Variants in FLT1 observed in about 807,000 individuals in gnomAD.
FLT1 encodes the protein fms related receptor tyrosine kinase 1, also known as vascular endothelial growth factor receptor 1.
A neutral mutation model predicts 156.3 loss-of-function variants in FLT1; 49 were observed. The observed-to-expected ratio is 0.31, with a 90% CI of 0.25 to 0.40. The LOEUF (loss-of-function observed/expected upper bound fraction) is 0.40, where lower values mean the gene tolerates loss of function less well. Among genes scored for constraint, FLT1 ranks in the 10% least tolerant of loss-of-function variants. FLT1 has a pLI of 1.00. For synonymous variants in FLT1, 594 were observed against 583.8 expected (o/e 1.02, Z -0.25); for missense variants, 1,322 against 1,637.2 (o/e 0.81, Z 3.32).
At position 28,405,808 on chromosome 13, in the gene FLT1, C is replaced by T. The variant is rs765194215; in HGVS notation, c.1523G>A (p.Arg508His). The T allele has an allele frequency of 1.2e-5, 20 of 1,600,656 alleles. No individual in the cohort carries two copies. Among genetic ancestry groups the T allele is most frequent in the East Asian group, 6.7e-5 (3 of 44,820 alleles). The change falls in exon 11 of 30, where the codon CGC becomes CAC. Residue 508 changes from arginine to histidine, a missense_variant. Physicochemically the swap from Arg to His is conservative, Grantham distance 29. This residue lies in a region of FLT1 where 991 missense variants were observed against 1,254.8 expected (regional missense o/e 0.79). Coordinates refer to ENST00000282397, the MANE Select transcript of FLT1 (RefSeq NM_002019.4). ...MGNRIESITQRMAIIEGKNKM... is the reference protein window; with the variant it reads ...MGNRIESITQHMAIIEGKNKM... ...ATTCTTTCCTTCTATTATTGCCATG[C>T]GCTGAGTGATGCTCTCAATTCTGTT...
At position 28,396,963 on chromosome 13, in the gene FLT1, T is replaced by G; in HGVS notation, c.1657A>C (p.Thr553Pro). 1.3e-6 allele frequency: 2 copies of G among 1,564,012 alleles called. No individual in the cohort carries two copies. Among genetic ancestry groups the G allele is most frequent in the Non-Finnish European group, 1.8e-6 (2 of 1,134,342 alleles). ...GGTTATAGGATGTGTGGCTTACCTG[T>G]GATATAAAAGCTTATGTTTCTTCCC... ...TVGRNISFYI[T>P]DVPNGFHVNL... Residue 553 changes from threonine (T) to proline (P), a missense_variant, in exon 12 of 30, where the codon ACA becomes CCA. Around this residue, in one of 3 missense-constraint regions of FLT1, gnomAD observed 991 missense variants for 1,254.8 expected, o/e 0.79. Transcript: ENST00000282397.
At position 28,438,768 on chromosome 13, in the gene FLT1, A is replaced by G. The variant is rs61763170; in HGVS notation, c.389-423T>C. On this transcript the variant is annotated intron_variant, in intron 3 of 29. Transcript: ENST00000282397. ...GGCATAGATGCAGTGGCGAAGGTCAACTCTCTTTGGAGAATTCAAGGTGAT... is the reference window on the plus strand; with the variant it reads ...GGCATAGATGCAGTGGCGAAGGTCAGCTCTCTTTGGAGAATTCAAGGTGAT... Among the ~76,000 whole-genome samples the G allele has an allele frequency of 4.7e-3, 708 of 152,248 alleles. 5 individuals are homozygous for G. Among genetic ancestry groups the G allele is most frequent in the African/African-American group, 0.016 (658 of 41,550 alleles).
In FLT1 at chr13:28,405,850, G is replaced by A. The variant is rs2137492437; in HGVS notation, c.1481C>T (p.Ala494Val). 6.2e-7 allele frequency: 1 copy of A among 1,609,750 alleles called. No homozygotes were observed. Residue 494 changes from alanine (A) to valine (V), a missense_variant, in exon 11 of 30, where the codon GCT (alanine) becomes GTT (valine). Physicochemically the swap from Ala to Val is moderately conservative, Grantham distance 64. This residue lies in a region of FLT1 where 991 missense variants were observed against 1,254.8 expected (regional missense o/e 0.79). Coordinates refer to ENST00000282397, the MANE Select transcript of FLT1 (RefSeq NM_002019.4). The part of the protein sequence containing the change: ...SNNEESFILD[A>V]DSNMGNRIES... Reference sequence around the variant, plus strand: ...AATTCTGTTTCCCATGTTGCTGTCAGCATCCAGGATAAAGGACTCTTCATT... The same window carrying A: ...AATTCTGTTTCCCATGTTGCTGTCAACATCCAGGATAAAGGACTCTTCATT...
intron 10 of FLT1, among the ~76,000 whole-genome samples, chr13:28,406,977 C>G (rs1208908881): frequency 6.6e-6 from 1 of 152,168 alleles, no homozygotes; most frequent in Admixed American, 6.5e-5. Context: ...TGAGAAGGAA[C>G]TCCAGAGTGT....
intron 16 of FLT1, among the ~76,000 whole-genome samples, chr13:28,342,948 C>G (rs1593695038): frequency 3.4e-5 from 1 of 29,398 alleles, no homozygotes; most frequent in Middle Eastern, 0.024. Context: ...TTCTTTCTTT[C>G]TCTCTCTCTC....
In FLT1 at chr13:28,427,870, A is replaced by G; in HGVS notation, c.1158T>C (p.Arg386=). 2 of 1,614,032 alleles carry G rather than the reference A, an allele frequency of 1.2e-6. No individual in the cohort carries two copies. ...ATEKSARYLT[R]GYSLIIKDVT... ...CGTCCTTGATAATTAACGAGTAGCC[A>G]CGAGTCAAATAGCGAGCAGATTTCT... The change falls in exon 9 of 30, where the codon CGT becomes CGC. Residue 386 remains arginine (R), a synonymous_variant. Transcript: ENST00000282397.
At chr13:28,372,153 C>T (rs1249025698) in intron 14 of FLT1, among the ~76,000 whole-genome samples, 1 of 141,958 alleles carries the variant, frequency 7.0e-6, no homozygotes, top group Non-Finnish European at 1.5e-5. Flanking sequence ...GCCATCTTGG[C>T]TCACTGCAAC....
At chr13:28,332,345 G>A (rs1284029084) in intron 18 of FLT1, among the ~76,000 whole-genome samples, 1 of 152,076 alleles carries the variant, frequency 6.6e-6, no homozygotes, top group Non-Finnish European at 1.5e-5. Context: ...GTATTTATAG[G>A]CAGGGCCACA....
rs761951298 is a variant in FLT1 at position 28,306,665 on chromosome 13, A to G, written c.3815+13T>C. On this transcript the variant is annotated intron_variant, in intron 29 of 29. Transcript: ENST00000282397. ...TCCATCAACTGATCACAGAAAAGAT[A>G]CCCAATTCTTACTCAATCTTGAGCG... The G allele has an allele frequency of 3.8e-6, 6 of 1,585,688 alleles. No homozygotes were observed. The highest frequency in any genetic ancestry group is 5.2e-6 in the Non-Finnish European group (6 of 1,154,194).
chr13:28,412,274 CTA>C (rs1566012599), intron 10 of FLT1, among the ~76,000 whole-genome samples: 1 of 152,132 alleles, frequency 6.6e-6, no homozygotes, highest in African/African-American at 2.4e-5. Flanking sequence ...TCTGCAAACA[CTA>C]TCTTTCCCCC....
rs1157781404 is a variant in FLT1 at position 28,473,729 on chromosome 13, A to AGAAGGAAG, written c.65-6120_65-6113dup. On this transcript the variant is annotated intron_variant, in intron 1 of 29. Transcript: ENST00000282397. ...AAGAAAGAAAGAAAGAAAGAAAGAA[A>AGAAGGAAG]GAAGGAAGGAAGGAAGGAAGGAAGG... Among the ~76,000 whole-genome samples, 170 of 84,298 alleles carry AGAAGGAAG rather than the reference A, an allele frequency of 2.0e-3. 4 individuals are homozygous for AGAAGGAAG. Among genetic ancestry groups the AGAAGGAAG allele is most frequent in the Admixed American group, 6.7e-3 (46 of 6,896 alleles). The allele number at this position is 84,298 out of a possible 152,430, so 55.3% of individuals were successfully genotyped here. A position where few individuals can be genotyped will look rare whatever the true frequency, so the allele number is the denominator to read the frequency against.
At chr13:28,468,489 C>A (rs145709305) in intron 1 of FLT1, among the ~76,000 whole-genome samples, 5 of 152,176 alleles carry the variant, frequency 3.3e-5, no homozygotes, top group Non-Finnish European at 7.3e-5. Flanking sequence ...TTGGACTAGA[C>A]GACCTTGAAA....
At chr13:28,321,935 A>G (rs536161320) in intron 22 of FLT1, among the ~76,000 whole-genome samples, 147 of 152,320 alleles carry the variant, frequency 9.7e-4, no homozygotes, top group African/African-American at 3.4e-3. Flanking sequence ...CTATATGGCT[A>G]TATTAATAGT....
Position 28,410,843 on chromosome 13 carries a change from G to C in FLT1, c.1437-4949C>G, listed in dbSNP as rs150803774. Among the ~76,000 whole-genome samples the C allele has an allele frequency of 2.6e-3, 402 of 152,280 alleles. 2 individuals are homozygous for C. The highest frequency in any genetic ancestry group is 9.2e-3 in the African/African-American group (382 of 41,558). ...CAGAAAAATCAAATGCTTTGCTCAAGTTCACAGGGAAAGGAGCAGAATTAG... is the reference window on the plus strand; with the variant it reads ...CAGAAAAATCAAATGCTTTGCTCAACTTCACAGGGAAAGGAGCAGAATTAG... On this transcript the variant is annotated intron_variant, in intron 10 of 29. Coordinates refer to ENST00000282397, the MANE Select transcript of FLT1 (RefSeq NM_002019.4).
intron 12 of FLT1, among the ~76,000 whole-genome samples, chr13:28,396,300 TG>T (rs917009857): frequency 6.7e-4 from 102 of 152,256 alleles, no homozygotes; most frequent in African/African-American, 2.3e-3. Flanking sequence ...CCTCAGAAAT[TG>T]GGGGAGTGTG....
chr13:28,458,836 G>A (rs1261342478), intron 3 of FLT1, among the ~76,000 whole-genome samples: 1 of 152,172 alleles, frequency 6.6e-6, no homozygotes, highest in East Asian at 1.9e-4. Context: ...TCAGCTGTCT[G>A]CCAGTGATGG....
At chr13:28,345,641 C>T in intron 15 of FLT1, 90 bp from the exon 16 acceptor site, 1 of 832,436 alleles carries the variant, frequency 1.2e-6, no homozygotes. Flanking sequence ...CTCAGTTTCC[C>T]TAAATGGTTT....
In FLT1 at chr13:28,389,952, T is replaced by A; in HGVS notation, c.1813A>T (p.Ser605Cys). Residue 605 changes from serine to cysteine, a missense_variant, in exon 13 of 30, where the codon AGC becomes TGC. Around this residue, in one of 3 missense-constraint regions of FLT1, gnomAD observed 991 missense variants for 1,254.8 expected, o/e 0.79. Coordinates refer to ENST00000282397, the MANE Select transcript of FLT1 (RefSeq NM_002019.4). ...VNNRTMHYSI[S>C]KQKMAITKEH... ...TTAGTGATGGCCATTTTTTGCTTGC[T>A]AATACTGTAGTGCATTGTTCTGTTA... 1 of 1,614,204 alleles carries A rather than the reference T, an allele frequency of 6.2e-7. No homozygotes were observed. Among genetic ancestry groups the A allele is most frequent in the Non-Finnish European group, 8.5e-7 (1 of 1,180,038 alleles).
At chr13:28,451,295 C>T (rs963192447) in intron 3 of FLT1, among the ~76,000 whole-genome samples, 5 of 152,204 alleles carry the variant, frequency 3.3e-5, no homozygotes, top group African/African-American at 1.2e-4. Context: ...TGGCGGCAGG[C>T]ACCTGTAGTC....
Sources: allele counts gnomAD v4.1 joint callset (sites outside exome capture counted in the v4.1 genomes callset), GRCh38; gene constraint gnomAD v4.1.1; regional missense constraint gnomAD v4.1.1; transcripts MANE v1.5; gene names NCBI Gene and HGNC (gene_info 2026-07-23, HGNC 2026-07-21).